Variants in UST observed in about 807,000 individuals in gnomAD.
The protein encoded by UST is chondroitin sulfate 2-O-sulfotransferase.
Under a neutral mutation model 45.6 loss-of-function variants are expected in UST, and 21 were observed. The observed-to-expected ratio is 0.46, with a 90% confidence interval of 0.33 to 0.66. The LOEUF (loss-of-function observed/expected upper bound fraction) is 0.66, where lower values mean the gene tolerates loss of function less well. Ranked by LOEUF, UST falls within the 30% of genes least tolerant of loss-of-function variation. UST has a pLI of 0.02. For synonymous variants in UST, 215 were observed against 200.6 expected (o/e 1.07, Z -0.61); for missense variants, 463 against 512.4 (o/e 0.90, Z 0.93).
chr6:148,968,488 T>C (rs1367162285), intron 5 of UST, among the ~76,000 whole-genome samples: 1 of 152,196 alleles, frequency 6.6e-6, no homozygotes, highest in Non-Finnish European at 1.5e-5. Flanking sequence ...GCTGCCTCCT[T>C]TTTGGGGGTG....
intron 2 of UST, among the ~76,000 whole-genome samples, chr6:148,893,196 T>C (rs1340498): frequency 0.21 from 32,581 of 152,108 alleles, 4,228 homozygotes; most frequent in African/African-American, 0.35. Flanking sequence ...ATATAAAGTA[T>C]TAGTATTCAA....
At chr6:149,068,120 G>A (rs1270912306) in intron 7 of UST, among the ~76,000 whole-genome samples, 1 of 152,064 alleles carries the variant, frequency 6.6e-6, no homozygotes, top group Non-Finnish European at 1.5e-5. Flanking sequence ...CTGTGAGATC[G>A]GTTGTTAAGT....
intron 2 of UST, among the ~76,000 whole-genome samples, chr6:148,927,269 CTTCCCATAGCCTTACA>C (rs1212945170): frequency 6.6e-6 from 1 of 152,140 alleles, no homozygotes; most frequent in Non-Finnish European, 1.5e-5. Flanking sequence ...AAGTCTTGGC[CTTCCCATAGCCTTACA>C]GGCTAGTGAG....
intron 5 of UST, among the ~76,000 whole-genome samples, chr6:148,977,408 A>C (rs553441681): frequency 1.3e-5 from 2 of 151,948 alleles, no homozygotes; most frequent in African/African-American, 4.8e-5. Flanking sequence ...TTTTTCCCCA[A>C]TTGTCCTAGG....
intron 5 of UST, among the ~76,000 whole-genome samples, chr6:149,017,799 T>C (rs200298281): frequency 0.019 from 2,824 of 148,904 alleles, 62 homozygotes; most frequent in African/African-American, 0.059. Context: ...TATCCATATA[T>C]ACACACACAC....
intron 1 of UST, among the ~76,000 whole-genome samples, chr6:148,885,445 C>A (rs1191535386): frequency 6.6e-6 from 1 of 152,182 alleles, no homozygotes; most frequent in East Asian, 1.9e-4. Context: ...ACATCCTATT[C>A]ATGCACGCTC....
In UST at chr6:148,934,827, G is replaced by GGC. The variant is rs147120819; in HGVS notation, c.292-6451_292-6450dup. Among the ~76,000 whole-genome samples the GGC allele has an allele frequency of 0.05, 7,659 of 152,196 alleles. 442 individuals are homozygous for GGC. The highest frequency in any genetic ancestry group is 0.13 in the African/African-American group (5,459 of 41,496). ...TGTGATTCAGTTCGTCTTAGAGTGT[G>GGC]GCCCAGAAATCTGCATTTTTAAAAG... is the stretch of plus-strand genomic sequence containing the variant. On this transcript the variant is annotated intron_variant, in intron 2 of 7. Transcript: ENST00000367463. The surrounding 1 kb of genome is among the most constrained non-coding windows in gnomAD (Gnocchi z 4.1).
intron 2 of UST, among the ~76,000 whole-genome samples, chr6:148,897,025 G>C (rs1394152657): frequency 1.3e-5 from 2 of 152,018 alleles, no homozygotes; most frequent in Non-Finnish European, 2.9e-5. Context: ...CCCAGCAATG[G>C]GTCCTTGGTT....
At chr6:148,950,887 A>G (rs1269316705) in intron 3 of UST, among the ~76,000 whole-genome samples, 1 of 152,204 alleles carries the variant, frequency 6.6e-6, no homozygotes. Flanking sequence ...CATCATCTCT[A>G]TAGCCATAAC....
At chr6:148,875,135 C>T (rs1001541336) in intron 1 of UST, among the ~76,000 whole-genome samples, 3 of 152,198 alleles carry the variant, frequency 2.0e-5, no homozygotes, top group Non-Finnish European at 4.4e-5. Flanking sequence ...TCAAAACTGA[C>T]ACAGTGTCAC....
chr6:148,798,851 GATTTATTTATTT>G (rs67953897), intron 1 of UST, among the ~76,000 whole-genome samples: 16 of 149,742 alleles, frequency 1.1e-4, no homozygotes, highest in Admixed American at 4.0e-4. Context: ...GAGGAGATAG[GATTTATTTATTT>G]ATTTATTTAT....
intron 1 of UST, among the ~76,000 whole-genome samples, chr6:148,754,834 C>T (rs1776064720): frequency 6.6e-6 from 1 of 152,076 alleles, no homozygotes; most frequent in Non-Finnish European, 1.5e-5. Flanking sequence ...AGTACGGTAC[C>T]TGGGTATATA....
intron 1 of UST, among the ~76,000 whole-genome samples, chr6:148,857,357 G>C (rs1221996069): frequency 6.6e-6 from 1 of 152,134 alleles, no homozygotes; most frequent in Non-Finnish European, 1.5e-5. Context: ...TCACAACTGA[G>C]TTGAGTCATA....
intron 5 of UST, among the ~76,000 whole-genome samples, chr6:148,967,841 C>T (rs1243273783): frequency 2.6e-5 from 4 of 152,264 alleles, no homozygotes; most frequent in Non-Finnish European, 4.4e-5. Flanking sequence ...CCCTGAGCCT[C>T]ACAGAGCTGC....
chr6:149,055,552 C>A (rs981580837), intron 7 of UST, among the ~76,000 whole-genome samples: 2 of 152,024 alleles, frequency 1.3e-5, no homozygotes, highest in African/African-American at 4.8e-5. Flanking sequence ...CCCTCCCCCA[C>A]CTGTCTCTAA....
chr6:148,918,026 T>A (rs7769178), intron 2 of UST, among the ~76,000 whole-genome samples: 4,974 of 152,292 alleles, frequency 0.033, 282 homozygotes, highest in African/African-American at 0.11. Flanking sequence ...ACATGTGCCA[T>A]GCACCAGAAG....
chr6:148,759,847 C>CAAAAAAA (rs71554421), intron 1 of UST, among the ~76,000 whole-genome samples: 2 of 59,206 alleles, frequency 3.4e-5, no homozygotes, highest in African/African-American at 7.7e-5. Context: ...GACTCTGTCT[C>CAAAAAAA]AAAAAAAAAA....
chr6:149,061,485 A>G (rs1776654433), intron 7 of UST, among the ~76,000 whole-genome samples: 1 of 152,266 alleles, frequency 6.6e-6, no homozygotes, highest in South Asian at 2.1e-4. Flanking sequence ...GTCACTGCCC[A>G]GTCTTGCATG....
chr6:149,058,387 GTA>G lies in UST; in HGVS notation c.938-15444_938-15443del, dbSNP rs778628931. On this transcript the variant is annotated intron_variant, in intron 7 of 7. Coordinates refer to ENST00000367463, the MANE Select transcript of UST (RefSeq NM_005715.3). ...TGTGTGTGTGTGTGTGTGTGTGTGT[GTA>G]TGTGCGCGCGCGTGTGTCTGTGTGT... Among the ~76,000 whole-genome samples, 450 of 140,942 alleles carry G rather than the reference GTA, an allele frequency of 3.2e-3. 1 individual carries two copies. The highest frequency in any genetic ancestry group is 7.6e-3 in the African/African-American group (279 of 36,556). The allele number at this position is 140,942 out of a possible 152,430, so 92.5% of individuals were successfully genotyped here. A position where few individuals can be genotyped will look rare whatever the true frequency, so the allele number is the denominator to read the frequency against.
Sources: allele counts gnomAD v4.1 joint callset (sites outside exome capture counted in the v4.1 genomes callset), GRCh38; gene constraint gnomAD v4.1.1; non-coding constraint Gnocchi (gnomAD v3.1); transcripts MANE v1.5; gene names NCBI Gene and HGNC (gene_info 2026-07-23, HGNC 2026-07-21).